Variants in TRPC7 observed in about 807,000 individuals in gnomAD.
The protein encoded by TRPC7 is short transient receptor potential channel 7.
Under a neutral mutation model 90.1 loss-of-function variants are expected in TRPC7, and 42 were observed. That is an observed-to-expected ratio of 0.47 (90% CI 0.36 to 0.60). The LOEUF (loss-of-function observed/expected upper bound fraction) is 0.60. Among genes scored for constraint, TRPC7 ranks in the 20% least tolerant of loss-of-function variants. The probability of loss-of-function intolerance (pLI) is 0.00; values close to 1 mark genes in which losing one functional copy is unlikely to be tolerated. For synonymous variants in TRPC7, 451 were observed against 436.3 expected (o/e 1.03, Z -0.42); for missense variants, 955 against 1,112.3 (o/e 0.86, Z 2.01).
In TRPC7 at chr5:136,226,756, T is replaced by C. The variant is rs114728674; in HGVS notation, c.2041-501A>G. ...ACTAGCCCCATTCTAAAAAGTAAAA[T>C]TGAACAGGTGAAATTAATTTTAGTA... On this transcript the variant is annotated intron_variant, in intron 8 of 11. Coordinates refer to ENST00000513104, the MANE Select transcript of TRPC7 (RefSeq NM_020389.3). 2.5e-3 allele frequency among the ~76,000 whole-genome samples: 383 copies of C among 152,294 alleles called. 1 individual carries two copies. The highest frequency in any genetic ancestry group is 8.6e-3 in the African/African-American group (358 of 41,556).
At chr5:136,285,199 A>G (rs1250927193) in intron 3 of TRPC7, among the ~76,000 whole-genome samples, 1 of 152,212 alleles carries the variant, frequency 6.6e-6, no homozygotes, top group Non-Finnish European at 1.5e-5. Context: ...GGAAAAGTAC[A>G]GTGCCTTAGG....
chr5:136,235,273 A>C (rs1755947322), intron 7 of TRPC7, among the ~76,000 whole-genome samples: 1 of 152,184 alleles, frequency 6.6e-6, no homozygotes, highest in Admixed American at 6.5e-5. Flanking sequence ...AAAAGGAAAA[A>C]ATTTTCAGTG....
intron 2 of TRPC7, among the ~76,000 whole-genome samples, chr5:136,345,346 A>C (rs934830382): frequency 6.6e-6 from 1 of 152,176 alleles, no homozygotes; most frequent in African/African-American, 2.4e-5. Flanking sequence ...ACCTGAGGTC[A>C]GGAGTTTGAG....
chr5:136,216,118 A>G, intron 11 of TRPC7, 82 bp downstream of exon 11: 2 of 1,154,514 alleles, frequency 1.7e-6, no homozygotes, highest in Non-Finnish European at 2.5e-6. Context: ...GTGCCCTGAC[A>G]ACACTGTGGC....
At chr5:136,223,950 A>G (rs1755544996) in intron 10 of TRPC7, among the ~76,000 whole-genome samples, 1 of 152,170 alleles carries the variant, frequency 6.6e-6, no homozygotes, top group Non-Finnish European at 1.5e-5. Flanking sequence ...CCCATTGCTA[A>G]TTTTTCGCCT....
At chr5:136,267,181 T>C (rs1757060412) in intron 4 of TRPC7, among the ~76,000 whole-genome samples, 1 of 152,180 alleles carries the variant, frequency 6.6e-6, no homozygotes, top group Admixed American at 6.5e-5. Flanking sequence ...GTCCAAAAGA[T>C]GCCCTATTAG....
At chr5:136,315,555 G>A (rs2277052) in intron 3 of TRPC7, 42 bp downstream of exon 3, 203,355 of 1,600,680 alleles carry the variant, frequency 0.13, 17,540 homozygotes, top group African/African-American at 0.4. Context: ...GCCCCGAGAA[G>A]AGAGGTGAGA....
chr5:136,283,303 C>G (rs1055283934), intron 3 of TRPC7, among the ~76,000 whole-genome samples: 1 of 152,228 alleles, frequency 6.6e-6, no homozygotes, highest in Non-Finnish European at 1.5e-5. Context: ...TTGCTCCTAT[C>G]TCACTTGCTC....
chr5:136,358,705 A>T (rs1012565074), intron 1 of TRPC7, among the ~76,000 whole-genome samples: 1 of 152,198 alleles, frequency 6.6e-6, no homozygotes, highest in Non-Finnish European at 1.5e-5. Context: ...CCCAGCTTCT[A>T]GATCTCAGAT....
chr5:136,359,118 A>G (rs1760480415), intron 1 of TRPC7, among the ~76,000 whole-genome samples: 2 of 152,234 alleles, frequency 1.3e-5, no homozygotes, highest in Admixed American at 1.3e-4. Context: ...AGCCTTGTGA[A>G]TGTTTAAATT....
intron 2 of TRPC7, among the ~76,000 whole-genome samples, chr5:136,319,094 G>A (rs1759113598): frequency 2.0e-5 from 3 of 152,038 alleles, no homozygotes; most frequent in African/African-American, 7.2e-5. Flanking sequence ...GTGCTCTTGG[G>A]CAGTTTACTC....
intron 7 of TRPC7, among the ~76,000 whole-genome samples, chr5:136,241,435 G>T (rs1756159856): frequency 1.3e-5 from 2 of 152,268 alleles, no homozygotes; most frequent in Non-Finnish European, 2.9e-5. Flanking sequence ...ACCATGGGTT[G>T]TGTTAGAACA....
intron 2 of TRPC7, among the ~76,000 whole-genome samples, chr5:136,319,628 C>T (rs1759130698): frequency 6.6e-6 from 1 of 152,112 alleles, no homozygotes; most frequent in South Asian, 2.1e-4. Context: ...CTTTCCTCTC[C>T]ACTGACTACT....
At chr5:136,255,870 G>A (rs1347725794) in intron 5 of TRPC7, among the ~76,000 whole-genome samples, 1 of 152,172 alleles carries the variant, frequency 6.6e-6, no homozygotes. Flanking sequence ...AACCCAGAAG[G>A]TCTGCCCCTA....
intron 2 of TRPC7, among the ~76,000 whole-genome samples, chr5:136,325,685 G>A (rs761854073): frequency 1.3e-5 from 2 of 152,072 alleles, no homozygotes; most frequent in Non-Finnish European, 2.9e-5. Flanking sequence ...AAACATCAAG[G>A]TCTAGGGGCA....
chr5:136,355,712 G>A (rs896438766), intron 2 of TRPC7, among the ~76,000 whole-genome samples: 3 of 152,108 alleles, frequency 2.0e-5, no homozygotes, highest in Admixed American at 1.3e-4. Flanking sequence ...GCAGGAGAAT[G>A]GCATGAACCC....
chr5:136,246,423 G>A (rs1756340321), intron 7 of TRPC7, among the ~76,000 whole-genome samples: 1 of 152,174 alleles, frequency 6.6e-6, no homozygotes, highest in African/African-American at 2.4e-5. Context: ...TGACTAATGA[G>A]AGACAGCAGA....
At chr5:136,239,585 A>G (rs1488501544) in intron 7 of TRPC7, among the ~76,000 whole-genome samples, 1 of 152,122 alleles carries the variant, frequency 6.6e-6, no homozygotes, top group East Asian at 1.9e-4. Context: ...ATTGATTCTG[A>G]TGAGTTTTAT....
At chr5:136,352,613 G>T (rs749141918) in intron 2 of TRPC7, among the ~76,000 whole-genome samples, 4 of 152,028 alleles carry the variant, frequency 2.6e-5, no homozygotes, top group African/African-American at 7.2e-5. Context: ...CACAGAGAGC[G>T]CATATTCCAC....
Sources: allele counts gnomAD v4.1 joint callset (sites outside exome capture counted in the v4.1 genomes callset), GRCh38; gene constraint gnomAD v4.1.1; transcripts MANE v1.5; gene names NCBI Gene and HGNC (gene_info 2026-07-23, HGNC 2026-07-21).